DPYD: variants seen among roughly 807,000 people sequenced by gnomAD.
DPYD encodes the protein dihydropyrimidine dehydrogenase.
A neutral mutation model predicts 116.2 loss-of-function variants in DPYD; 109 were observed. That is an observed-to-expected ratio of 0.94 (90% CI 0.80 to 1.10). The LOEUF (loss-of-function observed/expected upper bound fraction) is 1.10, where lower values mean the gene tolerates loss of function less well. DPYD is among the 50% of genes least tolerant of loss of function. DPYD has a pLI of 0.00. For missense variants in DPYD, 1,302 were observed against 1,254.5 expected (o/e 1.04, Z -0.57); for synonymous variants, 440 against 432.0 (o/e 1.02, Z -0.23).
At chr1:97,353,515 T>C (rs1670254431) in intron 16 of DPYD, among the ~76,000 whole-genome samples, 1 of 152,080 alleles carries the variant, frequency 6.6e-6, no homozygotes, top group Admixed American at 6.5e-5. Context: ...AAACTACATA[T>C]ACCCTCCTTT....
In DPYD at chr1:97,806,215, C is replaced by T. The variant is rs533622034; in HGVS notation, c.233+21899G>A. ...CAAAAATCAAGTTTCAAAATATAAT[C>T]TTACACATTTTATTTTCTTGCCATA... On this transcript the variant is annotated intron_variant, in intron 3 of 22. Transcript: ENST00000370192. Among the ~76,000 whole-genome samples the T allele has an allele frequency of 2.0e-5, 3 of 151,936 alleles. No homozygotes were observed. The East Asian group carries it at 5.8e-4, about 29-fold the overall frequency.
intron 2 of DPYD, among the ~76,000 whole-genome samples, chr1:97,872,324 T>TA (rs1231380640): frequency 6.6e-6 from 1 of 151,854 alleles, no homozygotes; most frequent in Non-Finnish European, 1.5e-5. Flanking sequence ...TAAAGTTGTT[T>TA]AAAAAAATAG....
intron 19 of DPYD, among the ~76,000 whole-genome samples, chr1:97,230,920 C>T (rs1661552130): frequency 6.6e-6 from 1 of 152,146 alleles, no homozygotes; most frequent in Non-Finnish European, 1.5e-5. Flanking sequence ...CCTTTCATGT[C>T]CAGAATACAA....
At chr1:97,896,941 G>A (rs937971681) in intron 1 of DPYD, among the ~76,000 whole-genome samples, 2 of 151,866 alleles carry the variant, frequency 1.3e-5, no homozygotes, top group Non-Finnish European at 2.9e-5. Context: ...TCTTAATGAG[G>A]TTTAAATAGT....
chr1:97,905,978 A>T (rs1175505860), intron 1 of DPYD, among the ~76,000 whole-genome samples: 1 of 152,036 alleles, frequency 6.6e-6, no homozygotes, highest in Non-Finnish European at 1.5e-5. Context: ...TGAAACGGAT[A>T]CATCTTTTTA....
chr1:97,844,576 G>A (rs1010728000), intron 2 of DPYD, among the ~76,000 whole-genome samples: 7 of 152,310 alleles, frequency 4.6e-5, no homozygotes, highest in Middle Eastern at 6.8e-3. Context: ...TGATAACAGC[G>A]GTGGTCTATC....
chr1:97,317,196 C>CAAAAAGGGT (rs1667907854), intron 16 of DPYD, among the ~76,000 whole-genome samples: 1 of 151,834 alleles, frequency 6.6e-6, no homozygotes, highest in Non-Finnish European at 1.5e-5. Flanking sequence ...ATCTACCATA[C>CAAAAAGGGT]AAAAAGGGTG....
At chr1:97,212,310 TA>T (rs1257705599) in intron 19 of DPYD, among the ~76,000 whole-genome samples, 1 of 152,156 alleles carries the variant, frequency 6.6e-6, no homozygotes, top group Non-Finnish European at 1.5e-5. Flanking sequence ...TGGAATTTTA[TA>T]ATAACAAATA....
intron 2 of DPYD, among the ~76,000 whole-genome samples, chr1:97,842,158 C>T (rs974452578): frequency 6.6e-6 from 1 of 151,766 alleles, no homozygotes; most frequent in Non-Finnish European, 1.5e-5. Context: ...ACTTGCTACA[C>T]AGGGAAAGAT....
chr1:97,519,099 T>C (rs2101985399), intron 12 of DPYD, among the ~76,000 whole-genome samples: 1 of 152,284 alleles, frequency 6.6e-6, no homozygotes, highest in African/African-American at 2.4e-5. Flanking sequence ...TTAATTGAGA[T>C]AGATTTGAAG....
At chr1:97,859,620 AGGTCTCTTCTTT>A (rs1279514889) in intron 2 of DPYD, among the ~76,000 whole-genome samples, 4 of 152,192 alleles carry the variant, frequency 2.6e-5, no homozygotes, top group African/African-American at 2.4e-5. Context: ...CACTAGCTCC[AGGTCTCTTCTTT>A]GGTCTCTTGA....
chr1:97,910,019 C>A lies in DPYD; in HGVS notation c.39+10865G>T, dbSNP rs563651818. On this transcript the variant is annotated intron_variant, in intron 1 of 22. Transcript: ENST00000370192. The stretch of plus-strand genomic sequence containing the variant: ...TTCATTTTTCCTCAAAAGCCCCTAG[C>A]AGACTTCTTATGATCTTCTAGATTT... Among the ~76,000 whole-genome samples the A allele has an allele frequency of 3.9e-5, 6 of 152,234 alleles. No homozygotes were observed. In the East Asian group the frequency reaches 9.7e-4, roughly 25 times the overall value.
At chr1:97,581,323 T>A (rs75958652) in intron 10 of DPYD, among the ~76,000 whole-genome samples, 10,488 of 58,890 alleles carry the variant, frequency 0.18, 594 homozygotes, top group Middle Eastern at 0.32. Context: ...CGAGACTCAG[T>A]CTCAAAAAAA....
At chr1:97,822,955 C>A (rs1389026494) in intron 3 of DPYD, among the ~76,000 whole-genome samples, 1 of 152,068 alleles carries the variant, frequency 6.6e-6, no homozygotes, top group African/African-American at 2.4e-5. Context: ...ACATTGATGT[C>A]TTTTAATTTT....
chr1:97,601,753 T>C (rs1655261836), intron 8 of DPYD, among the ~76,000 whole-genome samples: 1 of 152,012 alleles, frequency 6.6e-6, no homozygotes, highest in South Asian at 2.1e-4. Context: ...GTGGTTCTTT[T>C]CTCAATAAAA....
At chr1:97,850,636 T>C (rs1281767594) in intron 2 of DPYD, among the ~76,000 whole-genome samples, 1 of 151,996 alleles carries the variant, frequency 6.6e-6, no homozygotes, top group East Asian at 1.9e-4. Context: ...AAGAAGAATA[T>C]AAAGGGTGCT....
chr1:97,746,208 T>C (rs1219587021), intron 3 of DPYD, among the ~76,000 whole-genome samples: 1 of 152,168 alleles, frequency 6.6e-6, no homozygotes, highest in Non-Finnish European at 1.5e-5. Context: ...ACTCAATCCA[T>C]TGCCTATTCT....
chr1:97,512,153 C>T (rs541086574), intron 13 of DPYD, among the ~76,000 whole-genome samples: 1 of 151,986 alleles, frequency 6.6e-6, no homozygotes, highest in Non-Finnish European at 1.5e-5. Context: ...AAACATTTAT[C>T]AAGCCTCTCC....
chr1:97,690,449 TATA>T (rs1660956471), intron 7 of DPYD, among the ~76,000 whole-genome samples: 1 of 151,862 alleles, frequency 6.6e-6, no homozygotes, highest in Admixed American at 6.6e-5. Context: ...TTTATTAATA[TATA>T]ATAATTTTAC....
Sources: gnomAD v4.1 joint callset for allele counts (sites outside exome capture counted in the v4.1 genomes callset) on GRCh38, gnomAD v4.1.1 for gene constraint, MANE v1.5 for transcripts, NCBI Gene and HGNC (gene_info 2026-07-23, HGNC 2026-07-21) for gene names.